The following KSR1 variants were observed in gnomAD, a reference collection of about 807,000 sequenced individuals.
KSR1 encodes the protein kinase suppressor of ras.
Under a neutral mutation model 92.9 loss-of-function variants are expected in KSR1, and 35 were observed. The ratio of observed to expected loss-of-function variants is 0.38; its 90% confidence interval spans 0.29 to 0.50. The LOEUF (loss-of-function observed/expected upper bound fraction) is 0.50, where lower values mean the gene tolerates loss of function less well. Among genes scored for constraint, KSR1 ranks in the 20% least tolerant of loss-of-function variants. The pLI is 0.94. For missense variants in KSR1, 972 were observed against 1,158.5 expected, an observed-to-expected ratio of 0.84 and a Z score of 2.34; for synonymous variants, 467 against 472.6, an observed-to-expected ratio of 0.99 and a Z score of 0.15.
chr17:27,466,030 A>G (rs576488014), intron 1 of KSR1, among the ~76,000 whole-genome samples: 7 of 152,366 alleles, frequency 4.6e-5, no homozygotes, highest in South Asian at 4.1e-4. Flanking sequence ...TGCATCAGCC[A>G]TCTCCCTCCT....
intron 1 of KSR1, among the ~76,000 whole-genome samples, chr17:27,544,526 G>C (rs1328059526): frequency 6.6e-6 from 1 of 152,190 alleles, no homozygotes; most frequent in Non-Finnish European, 1.5e-5. Flanking sequence ...TGGCTGACCT[G>C]ATACTATTCT....
intron 1 of KSR1, among the ~76,000 whole-genome samples, chr17:27,531,499 G>A (rs2070534966): frequency 6.6e-6 from 1 of 152,198 alleles, no homozygotes; most frequent in South Asian, 2.1e-4. Flanking sequence ...TTTCTGCCTG[G>A]TCCCACACTC....
At position 27,607,835 on chromosome 17, in the gene KSR1, C is replaced by T; in HGVS notation, c.1995-79C>T. On this transcript the variant is annotated intron_variant, in intron 14 of 20. Transcript: ENST00000644974. ...TCCTTGCAGGCAGACGGGCACAGTT[C>T]TCCCCATGGGCTCCACCAGGGTTGG... 2.9e-6 allele frequency: 3 copies of T among 1,030,966 alleles called. No individual in the cohort carries two copies. In the South Asian group the frequency reaches 4.2e-5, roughly 14 times the overall value. 63.9% of individuals were successfully genotyped at this position (1,030,966 alleles called of 1,614,324 possible). A position where few individuals can be genotyped will look rare whatever the true frequency, so the allele number is the denominator to read the frequency against.
chr17:27,546,078 A>C (rs753079123), intron 1 of KSR1, among the ~76,000 whole-genome samples: 2 of 152,200 alleles, frequency 1.3e-5, no homozygotes, highest in African/African-American at 2.4e-5. Flanking sequence ...TGTTTGATTT[A>C]TAGTCCTGTC....
In KSR1 at chr17:27,577,703, T is replaced by C; in HGVS notation, c.520+64T>C. On this transcript the variant is annotated intron_variant, in intron 3 of 20. Transcript: ENST00000644974. This position sits in a 1 kb window ranked among gnomAD's most constrained non-coding sequence, Gnocchi z 4.5. The stretch of plus-strand genomic sequence containing the variant: ...GTGCCCTTGGGGCTGTGGCCTTCAC[T>C]ATGGTGGGTGATGGAGCGGGGCAAG... The C allele has an allele frequency of 7.4e-7, 1 of 1,345,966 alleles. No homozygotes were observed. Among genetic ancestry groups the C allele is most frequent in the Non-Finnish European group, 1.0e-6 (1 of 973,000 alleles). The allele number at this position is 1,345,966 out of a possible 1,614,324, so 83.4% of individuals were successfully genotyped here.
intron 1 of KSR1, among the ~76,000 whole-genome samples, chr17:27,524,003 A>G (rs2070146564): frequency 6.6e-6 from 1 of 152,152 alleles, no homozygotes; most frequent in African/African-American, 2.4e-5. Flanking sequence ...CCACCACTAG[A>G]TGATGAAAGA....
At chr17:27,476,180 T>C (rs1192921525) in intron 1 of KSR1, among the ~76,000 whole-genome samples, 1 of 152,200 alleles carries the variant, frequency 6.6e-6, no homozygotes, top group Non-Finnish European at 1.5e-5. Context: ...CAGTGAGCGA[T>C]TCTTGAGCCC....
intron 1 of KSR1, among the ~76,000 whole-genome samples, chr17:27,487,992 A>G (rs2068718345): frequency 6.6e-6 from 1 of 152,144 alleles, no homozygotes; most frequent in African/African-American, 2.4e-5. Context: ...CGGGGACCAC[A>G]TTTCACCATG....
intron 2 of KSR1, among the ~76,000 whole-genome samples, chr17:27,555,799 A>C (rs2071573398): frequency 6.6e-6 from 1 of 152,242 alleles, no homozygotes; most frequent in African/African-American, 2.4e-5. Context: ...TGTGACTGTC[A>C]CCACTGGAAC....
chr17:27,615,206 G>A (rs1434245317), intron 18 of KSR1, among the ~76,000 whole-genome samples: 1 of 152,184 alleles, frequency 6.6e-6, no homozygotes, highest in African/African-American at 2.4e-5. Context: ...CACCACTTTG[G>A]TCAGCTCTCC....
In KSR1 at chr17:27,597,415, G is replaced by A. The variant is rs755009016; in HGVS notation, c.1447G>A (p.Asp483Asn). 2.5e-6 allele frequency: 4 copies of A among 1,608,892 alleles called. No homozygotes were observed. The Admixed American group carries it at 5.0e-5, about 20-fold the overall frequency. ...CCCCAACCCCTCACCTGGCCAGCGG[G>A]ACAGCAGGTTCAACTTCCCAGGTAC... ...TPPNPSPGQRDSRFNFPAAYF... is the reference protein window; with the variant it reads ...TPPNPSPGQRNSRFNFPAAYF... Residue 483 changes from aspartate (D) to asparagine (N), a missense_variant, in exon 10 of 21, where the codon GAC (aspartate) becomes AAC (asparagine). Physicochemically the swap from Asp to Asn is conservative, Grantham distance 23. Transcript: ENST00000644974.
At chr17:27,592,669 C>CCTGG in intron 9 of KSR1, 43 bp downstream of exon 9, 1 of 1,522,602 alleles carries the variant, frequency 6.6e-7, no homozygotes, top group Non-Finnish European at 9.0e-7. Flanking sequence ...CTGCCACTGG[C>CCTGG]CTTCCTTCCT....
At chr17:27,603,092 C>T (rs1039146608) in intron 11 of KSR1, among the ~76,000 whole-genome samples, 3 of 152,234 alleles carry the variant, frequency 2.0e-5, no homozygotes, top group Non-Finnish European at 4.4e-5. Flanking sequence ...CTGGGGCCAC[C>T]AATCTCCCTG....
rs2071752807 is a variant in KSR1 at position 27,559,898 on chromosome 17, G to A, written c.372+9190G>A. The stretch of plus-strand genomic sequence containing the variant: ...TCCTGCAGCTCTCCCTGTGTGCAGT[G>A]TAGGGGTTGGGGCTCCTCTTAGGGG... On this transcript the variant is annotated intron_variant, in intron 2 of 20. Coordinates refer to ENST00000644974, the MANE Select transcript of KSR1 (RefSeq NM_001394583.1). The surrounding 1 kb of genome is among the most constrained non-coding windows in gnomAD (Gnocchi z 4.2). 6.6e-6 allele frequency among the ~76,000 whole-genome samples: 1 copy of A among 152,258 alleles called. No homozygotes were observed. Among genetic ancestry groups the A allele is most frequent in the South Asian group, 2.1e-4 (1 of 4,836 alleles).
At position 27,611,583 on chromosome 17, in the gene KSR1, G is replaced by A. The variant is rs1375948528; in HGVS notation, c.2447G>A (p.Gly816Glu). The A allele has an allele frequency of 6.2e-7, 1 of 1,613,898 alleles. No homozygotes were observed. Among genetic ancestry groups the A allele is most frequent in the Non-Finnish European group, 8.5e-7 (1 of 1,179,802 alleles). ...ASIWQIGSGE[G>E]MKRVLTSVSL... is the part of the protein sequence containing the mutation. ...ATCTGGCAGATTGGAAGCGGGGAAG[G>A]AATGAAGCGTGTCCTGACTTCTGTC... The change falls in exon 18 of 21, where the codon GGA (glycine) becomes GAA (glutamate). Residue 816 changes from glycine (G) to glutamate (E), a missense_variant. Around this residue, in one of 5 missense-constraint regions of KSR1, gnomAD observed 260 missense variants for 375.2 expected, o/e 0.69. Transcript: ENST00000644974.
intron 9 of KSR1, among the ~76,000 whole-genome samples, chr17:27,596,053 T>TACC (rs2151203817): frequency 6.6e-6 from 1 of 150,806 alleles, no homozygotes; most frequent in East Asian, 2.0e-4. Context: ...CTGAACCAGG[T>TACC]ACCACCTGGG....
chr17:27,615,334 A>G (rs2074028038), intron 18 of KSR1, among the ~76,000 whole-genome samples: 1 of 152,232 alleles, frequency 6.6e-6, no homozygotes, highest in Non-Finnish European at 1.5e-5. Context: ...TGTAAGTGGT[A>G]TTAGCCACTG....
chr17:27,526,781 G>T, intron 1 of KSR1: 2 of 1,129,462 alleles, frequency 1.8e-6, no homozygotes, highest in South Asian at 2.8e-5. Flanking sequence ...TTCTCTATTT[G>T]AAACAGCAAA....
chr17:27,501,292 C>CTTTTTTTTTTTTT, intron 1 of KSR1, among the ~76,000 whole-genome samples: 38 of 49,710 alleles, frequency 7.6e-4, no homozygotes, highest in East Asian at 1.7e-3. Flanking sequence ...TTCTTTTCTT[C>CTTTTTTTTTTTTT]TTTTTTTTTT....
Sources: gnomAD v4.1 joint callset for allele counts (sites outside exome capture counted in the v4.1 genomes callset) on GRCh38, gnomAD v4.1.1 for gene constraint, gnomAD v4.1.1 regional missense constraint, Gnocchi (gnomAD v3.1) non-coding constraint, MANE v1.5 for transcripts, NCBI Gene and HGNC (gene_info 2026-07-23, HGNC 2026-07-21) for gene names.